The following RAB3GAP2 variants were observed in gnomAD, a reference collection of about 807,000 sequenced individuals.
The protein encoded by RAB3GAP2 is RAB3 GTPase activating non-catalytic protein subunit 2.
In RAB3GAP2, 87 loss-of-function variants were observed where a neutral mutation model predicts 185.3. The ratio of observed to expected loss-of-function variants is 0.47; its 90% CI spans 0.39 to 0.56. The LOEUF is 0.56. Among genes scored for constraint, RAB3GAP2 ranks in the 20% least tolerant of loss-of-function variants. The probability of loss-of-function intolerance (pLI) is 0.00; values close to 1 mark genes in which losing one functional copy is unlikely to be tolerated. For missense variants in RAB3GAP2, 1,492 were observed against 1,638.2 expected (o/e 0.91, Z 1.54); for synonymous variants, 554 against 576.1 (o/e 0.96, Z 0.55).
At chr1:220,187,710 G>C (rs1464250117) in intron 17 of RAB3GAP2, among the ~76,000 whole-genome samples, 2 of 152,042 alleles carry the variant, frequency 1.3e-5, no homozygotes, top group Non-Finnish European at 2.9e-5. Context: ...AGAGGGAATG[G>C]AAGCTCTGCA....
At chr1:220,210,685 G>A in intron 6 of RAB3GAP2, 116 bp downstream of exon 6, 2 of 1,186,834 alleles carry the variant, frequency 1.7e-6, no homozygotes, top group Non-Finnish European at 2.5e-6. Context: ...CCCCCATAAA[G>A]AATCAACTAC....
At chr1:220,176,212 T>C (rs572905073) in intron 21 of RAB3GAP2, among the ~76,000 whole-genome samples, 1 of 152,296 alleles carries the variant, frequency 6.6e-6, no homozygotes, top group African/African-American at 2.4e-5. Context: ...CATTACATTA[T>C]TCATAATATA....
intron 9 of RAB3GAP2, among the ~76,000 whole-genome samples, chr1:220,198,485 C>T (rs1262315676): frequency 6.6e-6 from 1 of 152,136 alleles, no homozygotes; most frequent in Non-Finnish European, 1.5e-5. Context: ...TATATTGCTA[C>T]ACATTGGTAC....
rs555336381 is a variant in RAB3GAP2 at position 220,241,874 on chromosome 1, A to G, written c.116-9011T>C. Among the ~76,000 whole-genome samples the G allele has an allele frequency of 1.2e-4, 19 of 152,040 alleles. No homozygotes were observed. In the East Asian group the frequency reaches 1.9e-3, roughly 15 times the overall value. ...CATATTTATATATTATTTATTTTTT[A>G]TATCCAAAACAACAGAAAAAGTTAA... On this transcript the variant is annotated intron_variant, in intron 1 of 34. Coordinates refer to ENST00000358951, the MANE Select transcript of RAB3GAP2 (RefSeq NM_012414.4).
At chr1:220,168,847 C>T (rs1038300047) in intron 24 of RAB3GAP2, among the ~76,000 whole-genome samples, 5 of 152,180 alleles carry the variant, frequency 3.3e-5, no homozygotes, top group South Asian at 2.1e-4. Flanking sequence ...AGATATTTAA[C>T]GAGTCCTGTT....
chr1:220,223,211 T>C (rs775446523), intron 2 of RAB3GAP2, among the ~76,000 whole-genome samples: 1 of 152,152 alleles, frequency 6.6e-6, no homozygotes, highest in Non-Finnish European at 1.5e-5. Context: ...TCACTTTGTC[T>C]GACCACAACT....
chr1:220,244,095 A>G (rs1179500498), intron 1 of RAB3GAP2, among the ~76,000 whole-genome samples: 1 of 152,202 alleles, frequency 6.6e-6, no homozygotes, highest in African/African-American at 2.4e-5. Context: ...AAGGCCATCC[A>G]AATTGGAAAA....
chr1:220,272,180 C>T, intron 1 of RAB3GAP2, 43 bp downstream of exon 1: 4 of 1,511,780 alleles, frequency 2.6e-6, no homozygotes, highest in Non-Finnish European at 3.6e-6. Context: ...GCAGAGGCCG[C>T]GGGTGACGAG....
chr1:220,182,235 C>T, intron 21 of RAB3GAP2, 22 bp downstream of exon 21: 2 of 1,613,644 alleles, frequency 1.2e-6, no homozygotes, highest in Non-Finnish European at 1.7e-6. Context: ...AGAACAGCAT[C>T]CAGCAACCAA....
intron 33 of RAB3GAP2, among the ~76,000 whole-genome samples, chr1:220,151,971 A>G (rs1329368052): frequency 1.3e-5 from 2 of 152,026 alleles, no homozygotes; most frequent in Non-Finnish European, 2.9e-5. Context: ...TTTTTCTCTC[A>G]TCACCTAATC....
chr1:220,189,553 T>G, intron 17 of RAB3GAP2, 150 bp downstream of exon 17: 1 of 675,918 alleles, frequency 1.5e-6, no homozygotes, highest in Non-Finnish European at 2.2e-6. Context: ...CAGGAACTTC[T>G]ATCTGAAAAT....
Position 220,172,698 on chromosome 1 carries a change from C to T in RAB3GAP2, c.2355G>A (p.Leu785=). 6.2e-7 allele frequency: 1 copy of T among 1,613,104 alleles called. No homozygotes were observed. The highest frequency in any genetic ancestry group is 2.2e-5 in the East Asian group (1 of 44,858). The change falls in exon 22 of 35, where the codon TTG becomes TTA. Residue 785 remains leucine, a synonymous_variant. Coordinates refer to ENST00000358951, the MANE Select transcript of RAB3GAP2 (RefSeq NM_012414.4). The part of the protein sequence containing the change: ...SVWLSKEKDI[L]DKPQSICCLH... ...GACAGCAGATTGACTGTGGTTTATC[C>T]AAAATATCCTTTTCCTTTGAAAGCC...
At chr1:220,272,172 A>C (rs746588571) in intron 1 of RAB3GAP2, 51 bp downstream of exon 1, 2 of 1,465,426 alleles carry the variant, frequency 1.4e-6, no homozygotes, top group African/African-American at 2.8e-5. Context: ...ACCCGTGAGC[A>C]GAGGCCGCGG....
In RAB3GAP2 at chr1:220,151,774, G is replaced by C. The variant is rs1310779201; in HGVS notation, c.3868-10C>G. The C allele has an allele frequency of 6.3e-7, 1 of 1,595,286 alleles. No individual in the cohort carries two copies. Among genetic ancestry groups the C allele is most frequent in the Admixed American group, 1.7e-5 (1 of 59,990 alleles). On this transcript the variant is annotated splice_polypyrimidine_tract_variant and intron_variant, in intron 33 of 34. Coordinates refer to ENST00000358951, the MANE Select transcript of RAB3GAP2 (RefSeq NM_012414.4). Reference sequence around the variant, plus strand: ...GAACCTGTAGAATGGCCTGAAGATAGGAACATGGAGAAATAATACAGTCAG... The same window carrying C: ...GAACCTGTAGAATGGCCTGAAGATACGAACATGGAGAAATAATACAGTCAG...
chr1:220,187,401 G>A (rs909187275), intron 17 of RAB3GAP2, among the ~76,000 whole-genome samples: 5 of 152,082 alleles, frequency 3.3e-5, no homozygotes, highest in Admixed American at 2.0e-4. Context: ...AATTTCCTGG[G>A]TGATAGAAGC....
intron 1 of RAB3GAP2, among the ~76,000 whole-genome samples, chr1:220,247,887 C>T (rs1419666940): frequency 6.6e-6 from 1 of 151,574 alleles, no homozygotes; most frequent in African/African-American, 2.4e-5. Flanking sequence ...TACTTTTCTA[C>T]AGATCTTAGA....
rs886046023 is a variant in RAB3GAP2 at position 220,193,351 on chromosome 1, C to T, written c.1159G>A (p.Gly387Ser). The change falls in exon 13 of 35, where the codon GGT (glycine) becomes AGT (serine). Residue 387 changes from glycine to serine, a missense_variant. This residue lies in a region of RAB3GAP2 where 243 missense variants were observed against 314.8 expected (regional missense o/e 0.77). Coordinates refer to ENST00000358951, the MANE Select transcript of RAB3GAP2 (RefSeq NM_012414.4). Reference sequence around the variant, plus strand: ...CATGGAGACAGACATATGCTTTCACCATGGCGTCTAGAATCTGGAAGTCCA... The same window carrying T: ...CATGGAGACAGACATATGCTTTCACTATGGCGTCTAGAATCTGGAAGTCCA... The part of the protein sequence containing the change: ...RFGLPDSRRH[G>S]ESICLSPCNT... The T allele has an allele frequency of 1.1e-5, 17 of 1,613,886 alleles. 1 individual carries two copies. The highest frequency in any genetic ancestry group is 3.3e-4 in the Middle Eastern group (2 of 6,054).
chr1:220,214,953 T>TATATATATATAC (rs1659160452), intron 2 of RAB3GAP2, among the ~76,000 whole-genome samples: 1 of 118,076 alleles, frequency 8.5e-6, no homozygotes, highest in Non-Finnish European at 1.7e-5. Context: ...GCATTATATA[T>TATATATATATAC]ATATATATAT....
chr1:220,201,170 G>A (rs1362580659), intron 9 of RAB3GAP2, among the ~76,000 whole-genome samples: 4 of 152,092 alleles, frequency 2.6e-5, no homozygotes, highest in Non-Finnish European at 4.4e-5. Flanking sequence ...TATAGTGGCT[G>A]CAAGAAGAAA....
Sources: allele counts gnomAD v4.1 joint callset (sites outside exome capture counted in the v4.1 genomes callset), GRCh38; gene constraint gnomAD v4.1.1; regional missense constraint gnomAD v4.1.1; transcripts MANE v1.5; gene names NCBI Gene and HGNC (gene_info 2026-07-23, HGNC 2026-07-21).